RASEF: variants seen among roughly 807,000 people sequenced by gnomAD.
The protein encoded by RASEF is ras and EF-hand domain-containing protein.
In RASEF, 68 loss-of-function variants were observed where a neutral mutation model predicts 90.1. The ratio of observed to expected loss-of-function variants is 0.75; its 90% confidence interval spans 0.62 to 0.92. The LOEUF (loss-of-function observed/expected upper bound fraction) is 0.92. RASEF is among the 40% of genes least tolerant of loss of function. RASEF has a pLI of 0.00. For synonymous variants in RASEF, 331 were observed against 345.2 expected, an observed-to-expected ratio of 0.96 and a Z score of 0.46; for missense variants, 949 against 937.2, an observed-to-expected ratio of 1.01 and a Z score of -0.16.
the RASEF span, among the ~76,000 whole-genome samples, chr9:83,102,195 G>A: frequency 6.6e-6 from 1 of 152,138 alleles, no homozygotes; most frequent in African/African-American, 2.4e-5. Context: ...TCCTGCCTCA[G>A]CCTCCCAGGT....
chr9:83,169,048 A>G, the RASEF span, among the ~76,000 whole-genome samples: 1 of 145,544 alleles, frequency 6.9e-6, no homozygotes, highest in Non-Finnish European at 1.5e-5. Flanking sequence ...CCTCCAAGAG[A>G]TCATTTTTTT....
At chr9:83,165,116 A>G in the RASEF span, among the ~76,000 whole-genome samples, 2 of 152,106 alleles carry the variant, frequency 1.3e-5, no homozygotes, top group African/African-American at 4.8e-5. Context: ...GAAAATCAGT[A>G]TGGACATAAA....
chr9:83,117,202 C>G, the RASEF span, among the ~76,000 whole-genome samples: 1 of 152,080 alleles, frequency 6.6e-6, no homozygotes, highest in African/African-American at 2.4e-5. Flanking sequence ...AGACTGATAG[C>G]CTTGGGGAAA....
At chr9:83,000,825 T>C (rs1040575581) in intron 10 of RASEF, 71 bp downstream of exon 10, 27 of 1,313,696 alleles carry the variant, frequency 2.1e-5, no homozygotes, top group African/African-American at 2.9e-5. Flanking sequence ...CCATGACAGA[T>C]AGAAGGCAAA....
chr9:83,062,296 A>C (rs1337873774), intron 1 of RASEF, 141 bp downstream of exon 1: 1 of 800,424 alleles, frequency 1.2e-6, no homozygotes, highest in Admixed American at 2.8e-5. Context: ...GGAAAAGTCA[A>C]AGCGAGTAGG....
the RASEF span, among the ~76,000 whole-genome samples, chr9:83,184,613 A>G: frequency 0.017 from 2,587 of 151,968 alleles, 74 homozygotes; most frequent in African/African-American, 0.059. Flanking sequence ...CTTCAAAGAC[A>G]AGTTCAAGCC....
At chr9:83,062,355 G>T in intron 1 of RASEF, 82 bp downstream of exon 1, 1 of 1,363,038 alleles carries the variant, frequency 7.3e-7, no homozygotes, top group Non-Finnish European at 1.0e-6. Context: ...GGGGGCCATT[G>T]GGTCTGCACA....
At chr9:83,207,172 G>A in the RASEF span, among the ~76,000 whole-genome samples, 4 of 139,568 alleles carry the variant, frequency 2.9e-5, no homozygotes, top group African/African-American at 1.0e-4. Context: ...AGTCTATCAC[G>A]GACATTCTGC....
chr9:83,149,042 C>T, the RASEF span, among the ~76,000 whole-genome samples: 60 of 152,368 alleles, frequency 3.9e-4, no homozygotes, highest in Middle Eastern at 3.4e-3. Context: ...ACCACCCCAT[C>T]ATCTTCCAAG....
chr9:83,170,075 T>C, the RASEF span, among the ~76,000 whole-genome samples: 1 of 152,088 alleles, frequency 6.6e-6, no homozygotes, highest in Non-Finnish European at 1.5e-5. Flanking sequence ...TACATTTAAG[T>C]CTTTAATTTA....
the RASEF span, among the ~76,000 whole-genome samples, chr9:83,201,547 G>A: frequency 2.6e-5 from 4 of 152,110 alleles, no homozygotes; most frequent in Non-Finnish European, 4.4e-5. Flanking sequence ...AAATGTTTTT[G>A]GAGTGAAACA....
chr9:83,008,808 T>C (rs1217435714), intron 6 of RASEF, among the ~76,000 whole-genome samples: 1 of 149,850 alleles, frequency 6.7e-6, no homozygotes, highest in Non-Finnish European at 1.5e-5. Flanking sequence ...TTAGTGGCAC[T>C]ACTTCTGATA....
the RASEF span, among the ~76,000 whole-genome samples, chr9:83,116,391 G>T: frequency 6.6e-6 from 1 of 152,080 alleles, no homozygotes; most frequent in Non-Finnish European, 1.5e-5. Flanking sequence ...AGGATTCATG[G>T]TGTTTCCCCA....
intron 1 of RASEF, among the ~76,000 whole-genome samples, chr9:83,026,433 A>C (rs1829550642): frequency 6.6e-6 from 1 of 152,188 alleles, no homozygotes; most frequent in Non-Finnish European, 1.5e-5. Context: ...GAAACTTACA[A>C]ACATGGCAGA....
At chr9:83,007,402 T>A in intron 7 of RASEF, 35 bp downstream of exon 7, 1 of 1,501,248 alleles carries the variant, frequency 6.7e-7, no homozygotes. Context: ...ACAAGTGAAA[T>A]GTAAATGTAA....
At chr9:83,183,457 A>T in the RASEF span, among the ~76,000 whole-genome samples, 1 of 152,158 alleles carries the variant, frequency 6.6e-6, no homozygotes, top group Non-Finnish European at 1.5e-5. Context: ...AAGTATATGA[A>T]CTAGACATGG....
the RASEF span, among the ~76,000 whole-genome samples, chr9:83,095,788 T>C: frequency 2.0e-5 from 3 of 152,256 alleles, no homozygotes; most frequent in East Asian, 3.9e-4. Context: ...GTCTACACTA[T>C]AGACTCACAG....
At chr9:83,053,904 C>T (rs867190162) in intron 1 of RASEF, among the ~76,000 whole-genome samples, 39 of 58,860 alleles carry the variant, frequency 6.6e-4, no homozygotes, top group East Asian at 1.6e-3. Context: ...GGGTTTCTGC[C>T]GAGAGATCCG....
chr9:83,069,496 C>A, the RASEF span, among the ~76,000 whole-genome samples: 1 of 152,168 alleles, frequency 6.6e-6, no homozygotes, highest in South Asian at 2.1e-4. Context: ...TTCAGTAGTT[C>A]ATTTCTTTCT....
Sources: gnomAD v4.1 joint callset for allele counts (sites outside exome capture counted in the v4.1 genomes callset) on GRCh38, gnomAD v4.1.1 for gene constraint, MANE v1.5 for transcripts, NCBI Gene and HGNC (gene_info 2026-07-23, HGNC 2026-07-21) for gene names.